Variants in IKZF3 observed in about 807,000 individuals in gnomAD.
IKZF3 encodes the protein IKAROS family zinc finger 3.
IKZF3 carries 10 observed loss-of-function variants against 49.0 expected under a neutral mutation model. The ratio of observed to expected loss-of-function variants is 0.20; its 90% CI spans 0.13 to 0.35. The LOEUF (loss-of-function observed/expected upper bound fraction) is 0.35. IKZF3 is among the 10% of genes least tolerant of loss of function. The pLI is 1.00. For synonymous variants in IKZF3, 209 were observed against 228.2 expected (o/e 0.92, Z 0.76); for missense variants, 498 against 664.8 (o/e 0.75, Z 2.76).
At chr17:39,814,521 G>C (rs1018409663) in intron 3 of IKZF3, among the ~76,000 whole-genome samples, 5 of 152,114 alleles carry the variant, frequency 3.3e-5, no homozygotes, top group African/African-American at 9.7e-5. Context: ...GACTTTATTT[G>C]GAAATATCGT....
At chr17:39,839,634 A>G (rs566853364) in intron 1 of IKZF3, 17 of 371,392 alleles carry the variant, frequency 4.6e-5, no homozygotes, top group Non-Finnish European at 8.8e-5. Flanking sequence ...CCCAGGCTGG[A>G]GTGCAGTGGT....
At chr17:39,824,801 T>C (rs1295803241) in intron 3 of IKZF3, among the ~76,000 whole-genome samples, 1 of 152,004 alleles carries the variant, frequency 6.6e-6, no homozygotes, top group Non-Finnish European at 1.5e-5. Context: ...GTTCACGCAA[T>C]TCTCCTGCCT....
intron 3 of IKZF3, among the ~76,000 whole-genome samples, chr17:39,825,982 A>T (rs752438089): frequency 4.6e-5 from 7 of 152,172 alleles, no homozygotes; most frequent in Non-Finnish European, 8.8e-5. Context: ...TTCTATCATC[A>T]CTTAGACAGT....
intron 1 of IKZF3, among the ~76,000 whole-genome samples, chr17:39,858,635 C>A (rs202024816): frequency 1.3e-5 from 2 of 151,772 alleles, no homozygotes; most frequent in African/African-American, 4.8e-5. Context: ...CTCAGCCTCC[C>A]GAGTAGCTGG....
chr17:39,787,701 C>T (rs949700661), intron 6 of IKZF3, among the ~76,000 whole-genome samples: 4 of 152,238 alleles, frequency 2.6e-5, no homozygotes, highest in African/African-American at 9.7e-5. Context: ...AATTTCCAAC[C>T]TTGCCCCAAA....
chr17:39,799,719 T>G (rs758003603), intron 3 of IKZF3, among the ~76,000 whole-genome samples: 127 of 152,224 alleles, frequency 8.3e-4, no homozygotes, highest in Middle Eastern at 6.3e-3. Flanking sequence ...TTCAAGCCTC[T>G]TCTCCAGCCT....
chr17:39,836,594 G>A (rs1244362198), intron 1 of IKZF3, among the ~76,000 whole-genome samples: 1 of 152,178 alleles, frequency 6.6e-6, no homozygotes, highest in Non-Finnish European at 1.5e-5. Flanking sequence ...TTGACTAGTT[G>A]TTTAGTTGCT....
chr17:39,846,001 G>A, intron 1 of IKZF3, among the ~76,000 whole-genome samples: 1 of 151,838 alleles, frequency 6.6e-6, no homozygotes, highest in Non-Finnish European at 1.5e-5. Context: ...AGGATTTTTG[G>A]GTATCATTAG....
At chr17:39,826,953 A>T (rs1194404089) in intron 3 of IKZF3, among the ~76,000 whole-genome samples, 2 of 152,214 alleles carry the variant, frequency 1.3e-5, no homozygotes, top group Non-Finnish European at 1.5e-5. Context: ...AGTGGATTGC[A>T]TTGAAGAGCC....
At chr17:39,855,398 A>G (rs1203197864) in intron 1 of IKZF3, among the ~76,000 whole-genome samples, 1 of 152,214 alleles carries the variant, frequency 6.6e-6, no homozygotes, top group East Asian at 1.9e-4. Context: ...AATTCCTAAT[A>G]TCAACTTGTT....
chr17:39,850,286 G>A (rs1290921884), intron 1 of IKZF3, among the ~76,000 whole-genome samples: 1 of 138,002 alleles, frequency 7.2e-6, no homozygotes, highest in Non-Finnish European at 1.5e-5. Context: ...ATAATATATA[G>A]TATATACAAT....
At chr17:39,790,783 T>G (rs1015324566) in intron 5 of IKZF3, among the ~76,000 whole-genome samples, 1 of 152,046 alleles carries the variant, frequency 6.6e-6, no homozygotes, top group African/African-American at 2.4e-5. Context: ...TGGCTGGGCA[T>G]GGTGGCTCCT....
At chr17:39,774,438 G>A (rs903768170) in intron 7 of IKZF3, among the ~76,000 whole-genome samples, 5 of 152,120 alleles carry the variant, frequency 3.3e-5, no homozygotes, top group East Asian at 3.9e-4. Flanking sequence ...GAGGTGAGGC[G>A]AGGCAAGGCG....
At chr17:39,789,825 TG>T (rs1428751776) in intron 5 of IKZF3, among the ~76,000 whole-genome samples, 5 of 144,080 alleles carry the variant, frequency 3.5e-5, no homozygotes, top group African/African-American at 1.3e-4. Context: ...CGCTTGAACC[TG>T]GGAGGCGGAG....
At chr17:39,849,094 C>A (rs961712324) in intron 1 of IKZF3, among the ~76,000 whole-genome samples, 2 of 152,094 alleles carry the variant, frequency 1.3e-5, no homozygotes, top group African/African-American at 2.4e-5. Flanking sequence ...GAAAAATAAA[C>A]AAGTTACAGA....
chr17:39,801,979 C>T (rs1187126415), intron 3 of IKZF3, among the ~76,000 whole-genome samples: 1 of 152,014 alleles, frequency 6.6e-6, no homozygotes, highest in East Asian at 1.9e-4. Flanking sequence ...GTAATCCCAG[C>T]ACTTTGGGAG....
chr17:39,836,149 T>C (rs757022272), intron 1 of IKZF3: 51 of 659,454 alleles, frequency 7.7e-5, no homozygotes, highest in Non-Finnish European at 8.6e-5. Context: ...GGCCTGGATG[T>C]TGGGGTCCAC....
intron 3 of IKZF3, among the ~76,000 whole-genome samples, chr17:39,822,296 C>T (rs1452100548): frequency 1.3e-5 from 2 of 151,980 alleles, no homozygotes; most frequent in African/African-American, 4.8e-5. Flanking sequence ...AATTGTAAGC[C>T]CCATAATCCC....
chr17:39,789,771 G>C (rs2060967972), intron 5 of IKZF3, among the ~76,000 whole-genome samples: 1 of 149,640 alleles, frequency 6.7e-6, no homozygotes, highest in Admixed American at 6.6e-5. Flanking sequence ...CGTTGTGGTA[G>C]GCATCTATAA....
Sources: allele counts gnomAD v4.1 joint callset (sites outside exome capture counted in the v4.1 genomes callset), GRCh38; gene constraint gnomAD v4.1.1; transcripts MANE v1.5; gene names NCBI Gene and HGNC (gene_info 2026-07-23, HGNC 2026-07-21).